Variants in PARD3 observed in about 807,000 individuals in gnomAD.
PARD3 encodes the protein partitioning defective 3 homolog.
Under a neutral mutation model 155.4 loss-of-function variants are expected in PARD3, and 75 were observed. The ratio of observed to expected loss-of-function variants is 0.48; its 90% CI spans 0.40 to 0.58. The LOEUF is 0.58. PARD3 is among the 20% of genes least tolerant of loss of function. The probability of loss-of-function intolerance (pLI) is 0.00; values close to 1 mark genes in which losing one functional copy is unlikely to be tolerated. For missense variants in PARD3, 1,642 were observed against 1,721.7 expected (o/e 0.95, Z 0.82); for synonymous variants, 576 against 610.5 (o/e 0.94, Z 0.83).
intron 3 of PARD3, among the ~76,000 whole-genome samples, chr10:34,504,206 T>C (rs2080896380): frequency 6.6e-6 from 1 of 152,002 alleles, no homozygotes; most frequent in African/African-American, 2.4e-5. Flanking sequence ...CACAGCTCAC[T>C]GCAGCCCGAA....
chr10:34,200,254 C>T (rs1006168813), intron 22 of PARD3, among the ~76,000 whole-genome samples: 1 of 152,120 alleles, frequency 6.6e-6, no homozygotes, highest in Non-Finnish European at 1.5e-5. Flanking sequence ...GGTATAATGT[C>T]ACCTAGCTAA....
intron 1 of PARD3, among the ~76,000 whole-genome samples, chr10:34,740,924 G>T (rs533199931): frequency 6.6e-6 from 1 of 152,064 alleles, no homozygotes; most frequent in Admixed American, 6.6e-5. Flanking sequence ...ATGGTAGACA[G>T]GTAATGTTGG....
chr10:34,310,108 A>T (rs975010850), intron 20 of PARD3, among the ~76,000 whole-genome samples: 3 of 152,214 alleles, frequency 2.0e-5, no homozygotes, highest in Non-Finnish European at 4.4e-5. Flanking sequence ...TTACCTTTAT[A>T]TACTAATTTG....
At chr10:34,434,843 T>C (rs1221685840) in intron 5 of PARD3, among the ~76,000 whole-genome samples, 1 of 152,172 alleles carries the variant, frequency 6.6e-6, no homozygotes, top group Non-Finnish European at 1.5e-5. Flanking sequence ...GTCTTTTCCT[T>C]AGTGAAAATA....
At chr10:34,198,454 G>A (rs1432481883) in intron 22 of PARD3, among the ~76,000 whole-genome samples, 1 of 22,300 alleles carries the variant, frequency 4.5e-5, no homozygotes, top group African/African-American at 5.6e-4. Flanking sequence ...TCACTAATTG[G>A]TGTGTGTGTG....
intron 1 of PARD3, among the ~76,000 whole-genome samples, chr10:34,797,275 C>A (rs4331033): frequency 3.3e-5 from 5 of 151,692 alleles, no homozygotes; most frequent in African/African-American, 9.7e-5. Flanking sequence ...CTCAGCCTCC[C>A]GAGTAGCTGA....
intron 2 of PARD3, among the ~76,000 whole-genome samples, chr10:34,573,733 AAAAACACACACACACACAC>A (rs1209131074): frequency 0.037 from 4,323 of 118,302 alleles, 92 homozygotes; most frequent in Non-Finnish European, 0.051. Context: ...ACAAACAAAC[AAAAACACACACACACACAC>A]ACACACACAC....
chr10:34,543,434 T>C (rs1487556851), intron 2 of PARD3, among the ~76,000 whole-genome samples: 1 of 152,066 alleles, frequency 6.6e-6, no homozygotes, highest in Non-Finnish European at 1.5e-5. Flanking sequence ...AAGACAGAAA[T>C]CTACTTGCTG....
Position 34,376,563 on chromosome 10 carries a change from G to C in PARD3, c.1539+1404C>G, listed in dbSNP as rs1841266604. Among the ~76,000 whole-genome samples, 4 of 152,118 alleles carry C rather than the reference G, an allele frequency of 2.6e-5. No individual in the cohort carries two copies. The South Asian group carries it at 8.3e-4, about 32-fold the overall frequency. On this transcript the variant is annotated intron_variant, in intron 10 of 24. Transcript: ENST00000374788. ...GGACAAGTGGCTTTTTCAGGAAGCA[G>C]GACCCTAACATAATTTGTACTCAAA...
At chr10:34,151,172 A>ATT (rs33965854) in intron 22 of PARD3, among the ~76,000 whole-genome samples, 1 of 147,492 alleles carries the variant, frequency 6.8e-6, no homozygotes, top group Non-Finnish European at 1.5e-5. Context: ...TGTAAGCTTC[A>ATT]TTTTTTTTTT....
chr10:34,517,960 C>A (rs2081894237), intron 2 of PARD3, among the ~76,000 whole-genome samples: 2 of 152,182 alleles, frequency 1.3e-5, no homozygotes, highest in Non-Finnish European at 2.9e-5. Context: ...CTCACTGCAA[C>A]CTCCACTTCC....
rs58220151 is a variant in PARD3, at chr10:34,429,553, AGTTTTGTTTTGTTTT to A, written c.714+20749_714+20763del. ...TAAGAATACAGCCCCACTCTAACTCAGTTTTGTTTTGTTTTGTTTTGTTTTGTTTTGTTTTGTTTT... is the reference window on the plus strand; with the variant it reads ...TAAGAATACAGCCCCACTCTAACTCAGTTTTGTTTTGTTTTGTTTTGTTTT... On this transcript the variant is annotated intron_variant, in intron 5 of 24. Coordinates refer to ENST00000374788, the MANE Select transcript of PARD3 (RefSeq NM_001184785.2). Among the ~76,000 whole-genome samples, 1,280 of 145,220 alleles carry A rather than the reference AGTTTTGTTTTGTTTT, an allele frequency of 8.8e-3. 8 individuals carry two copies. Among genetic ancestry groups the A allele is most frequent in the African/African-American group, 0.014 (533 of 39,112 alleles).
At chr10:34,216,762 G>A (rs1162712151) in intron 22 of PARD3, among the ~76,000 whole-genome samples, 3 of 152,184 alleles carry the variant, frequency 2.0e-5, no homozygotes, top group Non-Finnish European at 4.4e-5. Context: ...ATAAATGGCA[G>A]TAATGTAAAC....
chr10:34,521,479 C>T (rs545388412), intron 2 of PARD3, among the ~76,000 whole-genome samples: 25 of 151,742 alleles, frequency 1.6e-4, no homozygotes, highest in African/African-American at 6.0e-4. Flanking sequence ...TGAAATGTTA[C>T]TCAAATTCTA....
chr10:34,378,508 A>T (rs772068018), intron 9 of PARD3, among the ~76,000 whole-genome samples: 20 of 152,214 alleles, frequency 1.3e-4, no homozygotes, highest in Non-Finnish European at 2.6e-4. Flanking sequence ...CCAAATTTTA[A>T]GGGTAGGAGG....
intron 22 of PARD3, among the ~76,000 whole-genome samples, chr10:34,232,647 A>T (rs540706696): frequency 6.6e-6 from 1 of 152,272 alleles, no homozygotes; most frequent in South Asian, 2.1e-4. Flanking sequence ...ATATAGAGAA[A>T]GTAACTGGGA....
intron 1 of PARD3, among the ~76,000 whole-genome samples, chr10:34,803,695 T>C (rs868682679): frequency 6.6e-6 from 1 of 151,990 alleles, no homozygotes; most frequent in Non-Finnish European, 1.5e-5. Context: ...CCCAGCTACT[T>C]GGGAGGCTGA....
chr10:34,604,589 T>C (rs1012998750), intron 2 of PARD3, among the ~76,000 whole-genome samples: 15 of 147,992 alleles, frequency 1.0e-4, no homozygotes, highest in African/African-American at 2.9e-4. Flanking sequence ...TATAAAGATA[T>C]ATAAAATATA....
intron 22 of PARD3, among the ~76,000 whole-genome samples, chr10:34,261,843 A>AACACAC (rs147251426): frequency 2.0e-5 from 3 of 147,558 alleles, no homozygotes; most frequent in African/African-American, 7.8e-5. Context: ...CAAACAAACA[A>AACACAC]ACACACACAC....
Sources: gnomAD v4.1 joint callset for allele counts (sites outside exome capture counted in the v4.1 genomes callset) on GRCh38, gnomAD v4.1.1 for gene constraint, MANE v1.5 for transcripts, NCBI Gene and HGNC (gene_info 2026-07-23, HGNC 2026-07-21) for gene names.